KCNAB1: variants seen among roughly 807,000 people sequenced by gnomAD.
KCNAB1 encodes the protein potassium voltage-gated channel subfamily A regulatory beta subunit 1.
KCNAB1 carries 35 observed loss-of-function variants against 64.6 expected under a neutral mutation model. That is an observed-to-expected ratio of 0.54 (90% confidence interval 0.41 to 0.72). The LOEUF (loss-of-function observed/expected upper bound fraction) is 0.72. Among genes scored for constraint, KCNAB1 ranks in the 30% least tolerant of loss-of-function variants. The pLI is 0.00. For synonymous variants in KCNAB1, 177 were observed against 183.8 expected (o/e 0.96, Z 0.30); for missense variants, 401 against 512.9 (o/e 0.78, Z 2.11).
At chr3:156,428,226 G>A (rs561048211) in intron 2 of KCNAB1, among the ~76,000 whole-genome samples, 1 of 152,294 alleles carries the variant, frequency 6.6e-6, no homozygotes, top group South Asian at 2.1e-4. Context: ...TTCCCAATCA[G>A]TTGAAGGCCT....
At chr3:156,440,222 T>C (rs2320893) in intron 2 of KCNAB1, among the ~76,000 whole-genome samples, 100,961 of 152,130 alleles carry the variant, frequency 0.66, 33,811 homozygotes, top group East Asian at 0.76. Context: ...TGAGAACAAT[T>C]CAAAATACTG....
At chr3:156,406,127 G>A (rs1262528128) in intron 1 of KCNAB1, among the ~76,000 whole-genome samples, 4 of 152,150 alleles carry the variant, frequency 2.6e-5, no homozygotes, top group Admixed American at 2.6e-4. Context: ...GTTAGCAAAT[G>A]CATCTTACAT....
At chr3:156,440,422 C>G (rs1262890425) in intron 2 of KCNAB1, among the ~76,000 whole-genome samples, 1 of 152,142 alleles carries the variant, frequency 6.6e-6, no homozygotes, top group Admixed American at 6.5e-5. Context: ...TGTCTTCAGG[C>G]CAGGCTGCCA....
At chr3:156,484,007 C>T (rs1022513013) in intron 8 of KCNAB1, among the ~76,000 whole-genome samples, 15 of 152,264 alleles carry the variant, frequency 9.9e-5, no homozygotes, top group African/African-American at 3.6e-4. Flanking sequence ...TTGTACTCAT[C>T]TGGTGTTGTA....
chr3:156,332,337 T>C (rs377340341), intron 1 of KCNAB1, among the ~76,000 whole-genome samples: 1 of 152,156 alleles, frequency 6.6e-6, no homozygotes, highest in Non-Finnish European at 1.5e-5. Context: ...CTTCACCAAA[T>C]TGTTTTTATC....
chr3:156,209,362 A>G (rs1169280786), intron 1 of KCNAB1, among the ~76,000 whole-genome samples: 1 of 152,252 alleles, frequency 6.6e-6, no homozygotes, highest in African/African-American at 2.4e-5. Flanking sequence ...AGTTTATTCA[A>G]AATAATGGAG....
intron 1 of KCNAB1, among the ~76,000 whole-genome samples, chr3:156,352,910 C>T (rs1724955687): frequency 1.3e-5 from 2 of 152,272 alleles, no homozygotes; most frequent in South Asian, 4.1e-4. Flanking sequence ...TCGAGCCCAT[C>T]TGTAGGCTTC....
chr3:156,398,341 C>G (rs1434914036), intron 1 of KCNAB1, among the ~76,000 whole-genome samples: 10 of 152,166 alleles, frequency 6.6e-5, no homozygotes, highest in Admixed American at 3.9e-4. Context: ...GCCTGTAATC[C>G]CAGCACTTTG....
intron 5 of KCNAB1, chr3:156,460,517 T>C (rs1290981200): frequency 6.6e-6 from 1 of 152,218 alleles, no homozygotes; most frequent in African/African-American, 2.4e-5. Context: ...GAGGTAATAC[T>C]TCCCCATTTC....
At chr3:156,384,730 G>A (rs1030314578) in intron 1 of KCNAB1, among the ~76,000 whole-genome samples, 17 of 152,260 alleles carry the variant, frequency 1.1e-4, no homozygotes, top group South Asian at 2.1e-4. Flanking sequence ...CACAGGAACC[G>A]CATCAGAACT....
intron 2 of KCNAB1, among the ~76,000 whole-genome samples, chr3:156,436,261 G>T (rs7630066): frequency 0.036 from 5,546 of 152,140 alleles, 340 homozygotes; most frequent in African/African-American, 0.13. Flanking sequence ...CCTTTTTATG[G>T]CTGCATAGTA....
intron 8 of KCNAB1, among the ~76,000 whole-genome samples, chr3:156,476,816 G>A (rs1186593316): frequency 6.6e-6 from 1 of 152,134 alleles, no homozygotes; most frequent in Non-Finnish European, 1.5e-5. Context: ...GAGCACTAAA[G>A]TTATTTAGTC....
At chr3:156,244,258 G>T (rs578162752) in intron 1 of KCNAB1, among the ~76,000 whole-genome samples, 76 of 152,188 alleles carry the variant, frequency 5.0e-4, no homozygotes, top group African/African-American at 1.8e-3. Flanking sequence ...TCTTTGGTCT[G>T]GCTCCTTCTT....
intron 1 of KCNAB1, among the ~76,000 whole-genome samples, chr3:156,173,609 T>G (rs1333353622): frequency 6.6e-6 from 1 of 152,224 alleles, no homozygotes; most frequent in Non-Finnish European, 1.5e-5. Context: ...TTCCCCATCT[T>G]TAAATGACAG....
chr3:156,230,825 G>A (rs1354892219), intron 1 of KCNAB1, among the ~76,000 whole-genome samples: 2 of 152,214 alleles, frequency 1.3e-5, no homozygotes, highest in Non-Finnish European at 2.9e-5. Flanking sequence ...TGTATCTTCT[G>A]TGTGTATATA....
chr3:156,247,202 C>T (rs1717509063), intron 1 of KCNAB1, among the ~76,000 whole-genome samples: 1 of 152,162 alleles, frequency 6.6e-6, no homozygotes, highest in Admixed American at 6.5e-5. Flanking sequence ...TGCTTAGTCT[C>T]CAGAAAGCTA....
At chr3:156,278,942 TA>T (rs199940866) in intron 1 of KCNAB1, among the ~76,000 whole-genome samples, 3 of 152,046 alleles carry the variant, frequency 2.0e-5, no homozygotes, top group Non-Finnish European at 2.9e-5. Context: ...TACTTTATTT[TA>T]TTTTTTTATT....
intron 1 of KCNAB1, among the ~76,000 whole-genome samples, chr3:156,324,062 T>TC (rs1453529746): frequency 2.0e-5 from 3 of 152,116 alleles, no homozygotes; most frequent in South Asian, 2.1e-4. Flanking sequence ...CTTTTTTTTT[T>TC]CTCTCACTTC....
Position 156,126,408 on chromosome 3 carries a change from A to G in KCNAB1, c.275+5522A>G, listed in dbSNP as rs578071727. Among the ~76,000 whole-genome samples the G allele has an allele frequency of 6.3e-4, 96 of 152,242 alleles. 1 individual carries two copies. The highest frequency in any genetic ancestry group is 2.2e-3 in the African/African-American group (91 of 41,552). ...AGTCTGGGGGGAAATTTGTAGGAGA[A>G]AGCTGATCTGTGGATGTTTTTAGGC... On this transcript the variant is annotated intron_variant, in intron 1 of 13. Transcript: ENST00000490337.
Sources: gnomAD v4.1 joint callset for allele counts (sites outside exome capture counted in the v4.1 genomes callset) on GRCh38, gnomAD v4.1.1 for gene constraint, MANE v1.5 for transcripts, NCBI Gene and HGNC (gene_info 2026-07-23, HGNC 2026-07-21) for gene names.